Variants in ADAMTSL1 observed in about 807,000 individuals in gnomAD.
ADAMTSL1 encodes ADAMTS-like protein 1.
Under a neutral mutation model 201.8 loss-of-function variants are expected in ADAMTSL1, and 126 were observed. The observed-to-expected ratio is 0.62, with a 90% CI of 0.54 to 0.72. The LOEUF (loss-of-function observed/expected upper bound fraction) is 0.72, where lower values mean the gene tolerates loss of function less well. Among genes scored for constraint, ADAMTSL1 ranks in the 30% least tolerant of loss-of-function variants. The pLI, the probability that ADAMTSL1 is intolerant of heterozygous loss-of-function variation, is 0.00. For missense variants in ADAMTSL1, 2,679 were observed against 2,277.8 expected (o/e 1.18, Z -3.59); for synonymous variants, 1,121 against 903.4 (o/e 1.24, Z -4.32).
intron 2 of ADAMTSL1, among the ~76,000 whole-genome samples, chr9:18,168,240 A>G (rs965928235): frequency 6.6e-6 from 1 of 151,938 alleles, no homozygotes; most frequent in Non-Finnish European, 1.5e-5. Flanking sequence ...CATTAGGTAT[A>G]TCTCCTAATG....
At position 18,244,660 on chromosome 9, in the gene ADAMTSL1, A is replaced by G. The variant is rs550808090; in HGVS notation, c.207+80679A>G. Among the ~76,000 whole-genome samples the G allele has an allele frequency of 2.6e-5, 4 of 152,086 alleles. No homozygotes were observed. In the East Asian group the frequency reaches 7.8e-4, roughly 29 times the overall value. ...CTCCAATTTCTCCTACCTACTGGGC[A>G]TTTTCTCATTTCTGAATCCCTTTGG... On this transcript the variant is annotated intron_variant, in intron 2 of 29. Coordinates refer to the ADAMTSL1 transcript ENST00000680146.
At chr9:18,812,179 T>C (rs1823545580) in intron 20 of ADAMTSL1, among the ~76,000 whole-genome samples, 1 of 152,174 alleles carries the variant, frequency 6.6e-6, no homozygotes, top group Admixed American at 6.5e-5. Context: ...TCAGAATTAG[T>C]TATATAGCTA....
chr9:18,040,645 G>GT (rs1491384884), intron 1 of ADAMTSL1, among the ~76,000 whole-genome samples: 3 of 152,132 alleles, frequency 2.0e-5, no homozygotes, highest in Non-Finnish European at 4.4e-5. Flanking sequence ...CTGTACTTAA[G>GT]TATTTGTTTA....
chr9:18,369,881 T>C (rs760840356), intron 2 of ADAMTSL1, among the ~76,000 whole-genome samples: 129 of 152,194 alleles, frequency 8.5e-4, no homozygotes, highest in Admixed American at 3.5e-3. Flanking sequence ...CTGGAGGCCA[T>C]TAACCTAAGT....
At chr9:18,330,476 C>T (rs757686216) in intron 2 of ADAMTSL1, among the ~76,000 whole-genome samples, 25 of 151,964 alleles carry the variant, frequency 1.6e-4, no homozygotes, top group Admixed American at 5.9e-4. Flanking sequence ...TAAAATCTCT[C>T]ATCCTATTCC....
At chr9:18,828,309 C>CAA (rs1307292223) in intron 22 of ADAMTSL1, among the ~76,000 whole-genome samples, 4 of 151,892 alleles carry the variant, frequency 2.6e-5, no homozygotes, top group Admixed American at 2.6e-4. Context: ...TAGGAGGGGC[C>CAA]AACAATTGGC....
chr9:18,574,537 T>G (rs1822579334), intron 4 of ADAMTSL1: 1 of 564,318 alleles, frequency 1.8e-6, no homozygotes, highest in Admixed American at 3.2e-5. Flanking sequence ...TTATCAATTA[T>G]GTACTAGACT....
At chr9:18,136,866 A>G (rs1826180109) in intron 1 of ADAMTSL1, among the ~76,000 whole-genome samples, 1 of 152,142 alleles carries the variant, frequency 6.6e-6, no homozygotes, top group Admixed American at 6.6e-5. Context: ...CTTTTAAAAC[A>G]GTCACAGAGG....
chr9:18,345,635 A>G (rs1158294198), intron 2 of ADAMTSL1, among the ~76,000 whole-genome samples: 1 of 152,182 alleles, frequency 6.6e-6, no homozygotes. Flanking sequence ...AATAATAATA[A>G]AATTAAGATA....
intron 14 of ADAMTSL1, among the ~76,000 whole-genome samples, chr9:18,715,223 G>A (rs1832851924): frequency 1.3e-5 from 2 of 149,644 alleles, no homozygotes; most frequent in Non-Finnish European, 3.0e-5. Context: ...ACATAGTGTT[G>A]GAAGTTCTGG....
chr9:18,196,849 C>A (rs902790537), intron 2 of ADAMTSL1, among the ~76,000 whole-genome samples: 4 of 152,046 alleles, frequency 2.6e-5, no homozygotes, highest in African/African-American at 9.7e-5. Flanking sequence ...CTATTCCTGC[C>A]CTCAACCTGA....
chr9:18,129,794 A>G (rs1014849143), intron 1 of ADAMTSL1, among the ~76,000 whole-genome samples: 1 of 152,182 alleles, frequency 6.6e-6, no homozygotes, highest in Non-Finnish European at 1.5e-5. Flanking sequence ...TGGTCAGAGC[A>G]TAGGGTTGTA....
chr9:18,292,238 C>T (rs146877681), intron 2 of ADAMTSL1, among the ~76,000 whole-genome samples: 2 of 152,178 alleles, frequency 1.3e-5, no homozygotes, highest in Non-Finnish European at 2.9e-5. Context: ...TTTAGAAGTT[C>T]ATACAAAGTC....
At chr9:18,651,360 C>G (rs140369205) in intron 7 of ADAMTSL1, 11 of 152,320 alleles carry the variant, frequency 7.2e-5, no homozygotes, top group Non-Finnish European at 1.6e-4. Flanking sequence ...ATTAGAACCT[C>G]CAACTCAGCT....
chr9:18,210,087 C>G (rs1829805394), intron 2 of ADAMTSL1, among the ~76,000 whole-genome samples: 1 of 152,052 alleles, frequency 6.6e-6, no homozygotes, highest in South Asian at 2.1e-4. Flanking sequence ...CTGATGCCTT[C>G]CTTTTCTTTC....
At chr9:18,033,430 A>G (rs1353128041) in intron 1 of ADAMTSL1, among the ~76,000 whole-genome samples, 1 of 152,218 alleles carries the variant, frequency 6.6e-6, no homozygotes, top group Non-Finnish European at 1.5e-5. Context: ...AAGTTGCTGT[A>G]AATGTTATTT....
intron 1 of ADAMTSL1, among the ~76,000 whole-genome samples, chr9:18,027,165 T>G (rs2131596143): frequency 6.6e-6 from 1 of 151,890 alleles, no homozygotes; most frequent in Middle Eastern, 3.4e-3. Flanking sequence ...TAGAACAAAC[T>G]TTTGATTTCA....
rs777786817 is a variant in ADAMTSL1, at chr9:18,474,186, T to TAGC, written c.-43_-41dup. On this transcript the variant is annotated 5_prime_UTR_variant, in exon 1 of 29. Coordinates refer to ENST00000380548, the MANE Select transcript of ADAMTSL1 (RefSeq NM_001040272.6). ...ATGTGACAGCAGGCAGAGGAGCACT[T>TAGC]AGCAGCTTATTCAGTGTCCGATTCT... 17 of 1,593,200 alleles carry TAGC rather than the reference T, an allele frequency of 1.1e-5. No individual in the cohort carries two copies. The highest frequency in any genetic ancestry group is 1.5e-5 in the Non-Finnish European group (17 of 1,161,650).
chr9:18,807,705 G>A (rs945827967), intron 20 of ADAMTSL1, among the ~76,000 whole-genome samples: 1 of 151,408 alleles, frequency 6.6e-6, no homozygotes, highest in African/African-American at 2.4e-5. Context: ...GAGGCGCGGC[G>A]CATTCAGTGG....
Sources: gnomAD v4.1 joint callset for allele counts (sites outside exome capture counted in the v4.1 genomes callset) on GRCh38, gnomAD v4.1.1 for gene constraint, MANE v1.5 for transcripts, NCBI Gene and HGNC (gene_info 2026-07-23, HGNC 2026-07-21) for gene names.